Variants in HDAC4 observed in about 807,000 individuals in gnomAD.
HDAC4 encodes the protein histone deacetylase 4, also known as histone deacetylase A.
HDAC4 carries 16 observed loss-of-function variants against 135.1 expected under a neutral mutation model. That is an observed-to-expected ratio of 0.12 (90% CI 0.08 to 0.18). The LOEUF is 0.18. HDAC4 is among the 10% of genes least tolerant of loss of function. The pLI, the probability that HDAC4 is intolerant of heterozygous loss-of-function variation, is 1.00. For synonymous variants in HDAC4, 685 were observed against 653.4 expected (o/e 1.05, Z -0.74); for missense variants, 1,143 against 1,511.8 (o/e 0.76, Z 4.05).
chr2:239,100,699 T>C (rs2037534176), intron 16 of HDAC4, among the ~76,000 whole-genome samples: 1 of 152,194 alleles, frequency 6.6e-6, no homozygotes, highest in African/African-American at 2.4e-5. Context: ...AGGGGCTATT[T>C]GTTGGGAACC....
At chr2:239,265,200 T>C (rs1002710288) in intron 2 of HDAC4, among the ~76,000 whole-genome samples, 2 of 152,196 alleles carry the variant, frequency 1.3e-5, no homozygotes, top group Non-Finnish European at 2.9e-5. Flanking sequence ...GGCTCCCACA[T>C]GTGTGCCAAC....
At chr2:239,128,416 C>G (rs1204442026) in intron 11 of HDAC4, among the ~76,000 whole-genome samples, 1 of 152,012 alleles carries the variant, frequency 6.6e-6, no homozygotes, top group African/African-American at 2.4e-5. Context: ...GTAATCGCAG[C>G]TACTCAGGAG....
chr2:239,377,270 C>T (rs1419892681), intron 1 of HDAC4, among the ~76,000 whole-genome samples: 3 of 152,220 alleles, frequency 2.0e-5, no homozygotes. Flanking sequence ...CGTCCACTAA[C>T]CGAAGCCACT....
rs113479242 is a variant in HDAC4 at position 239,240,937 on chromosome 2, G to C, written c.23-4273C>G. ...CACCTTGCATCAGACGGGTAGGTAT[G>C]TCTAACCAGAAACCCGGCCTTCTGG... On this transcript the variant is annotated intron_variant, in intron 2 of 26. Transcript: ENST00000543185. This position sits in a 1 kb window ranked among gnomAD's most constrained non-coding sequence, Gnocchi z 4.5. Among the ~76,000 whole-genome samples, 1 of 151,730 alleles carries C rather than the reference G, an allele frequency of 6.6e-6. No homozygotes were observed. Among genetic ancestry groups the C allele is most frequent in the South Asian group, 2.1e-4 (1 of 4,818 alleles).
intron 2 of HDAC4, among the ~76,000 whole-genome samples, chr2:239,269,177 ACATT>A (rs1037470753): frequency 6.6e-6 from 1 of 151,572 alleles, no homozygotes; most frequent in African/African-American, 2.4e-5. Flanking sequence ...TCACACACCC[ACATT>A]CACACACCCA....
In HDAC4 at chr2:239,090,135, A is replaced by T. The variant is rs1195541841; in HGVS notation, c.2281-19T>A. ...TGTCCACCTGTGGAAACAACACCCC[A>T]CAGTGAGGTCACCCTCCCAGGCCAC... On this transcript the variant is annotated intron_variant, in intron 17 of 26. Transcript: ENST00000543185. 1.3e-6 allele frequency: 2 copies of T among 1,566,630 alleles called. No individual in the cohort carries two copies. Among genetic ancestry groups the T allele is most frequent in the Admixed American group, 3.3e-5 (2 of 59,958 alleles).
At chr2:239,386,934 G>A (rs538672481) in intron 1 of HDAC4, among the ~76,000 whole-genome samples, 13 of 152,204 alleles carry the variant, frequency 8.5e-5, no homozygotes, top group African/African-American at 2.4e-4. Flanking sequence ...AGGTGGCAGC[G>A]ATCAGAGGTG....
chr2:239,176,947 C>A (rs1038792865), intron 4 of HDAC4, among the ~76,000 whole-genome samples: 1 of 152,146 alleles, frequency 6.6e-6, no homozygotes, highest in Non-Finnish European at 1.5e-5. Context: ...AAGTTAAATG[C>A]ACATCTGCCC....
chr2:239,192,678 C>G (rs2045075765), intron 3 of HDAC4, among the ~76,000 whole-genome samples: 1 of 152,154 alleles, frequency 6.6e-6, no homozygotes, highest in African/African-American at 2.4e-5. Context: ...GTTGCGGTTC[C>G]CTCTTCCGCG....
chr2:239,256,057 T>A (rs1470497577), intron 2 of HDAC4, among the ~76,000 whole-genome samples: 3 of 152,262 alleles, frequency 2.0e-5, no homozygotes, highest in African/African-American at 7.2e-5. Flanking sequence ...TGTCTTTTAT[T>A]TTAATGCAAA....
chr2:239,209,599 T>C (rs933205809), intron 3 of HDAC4, among the ~76,000 whole-genome samples: 1 of 152,204 alleles, frequency 6.6e-6, no homozygotes, highest in Non-Finnish European at 1.5e-5. Flanking sequence ...AAAATATCCT[T>C]GGAATAGAAA....
chr2:239,394,111 T>A (rs1696408370), intron 1 of HDAC4, among the ~76,000 whole-genome samples: 1 of 152,042 alleles, frequency 6.6e-6, no homozygotes, highest in Admixed American at 6.6e-5. Context: ...AAAATGCAAT[T>A]CCATCACCGC....
At chr2:239,128,958 G>A (rs896468150) in intron 11 of HDAC4, among the ~76,000 whole-genome samples, 50 of 152,166 alleles carry the variant, frequency 3.3e-4, no homozygotes, top group African/African-American at 1.1e-3. Flanking sequence ...TCTGCCTCCC[G>A]CCATCCTCCG....
At position 239,141,576 on chromosome 2, in the gene HDAC4, A is replaced by G; in HGVS notation, c.866-1780T>C. 6.6e-6 allele frequency among the ~76,000 whole-genome samples: 1 copy of G among 152,172 alleles called. No individual in the cohort carries two copies. The highest frequency in any genetic ancestry group is 1.9e-4 in the East Asian group (1 of 5,182). ...GTGTTTGCATTTCACTCAAGAAAGCAGGACCCGCCTTCTCCAGGCCCCTCC... is the reference window on the plus strand; with the variant it reads ...GTGTTTGCATTTCACTCAAGAAAGCGGGACCCGCCTTCTCCAGGCCCCTCC... On this transcript the variant is annotated intron_variant, in intron 8 of 26. Coordinates refer to ENST00000543185, the MANE Select transcript of HDAC4 (RefSeq NM_001378414.1). This position sits in a 1 kb window ranked among gnomAD's most constrained non-coding sequence, Gnocchi z 4.9.
In HDAC4 at chr2:239,176,464, G is replaced by A; in HGVS notation, c.439C>T (p.His147Tyr). The change falls in exon 5 of 27, where the codon CAC (histidine) becomes TAC (tyrosine). Residue 147 changes from histidine (H) to tyrosine (Y), a missense_variant. This residue lies in a region of HDAC4 where 247 missense variants were observed against 310.0 expected (regional missense o/e 0.80). Transcript: ENST00000543185. ...AGCTGCTGCAGCTTCTGCTCCCGGT[G>A]CTGCTTCTCCAGCTCCTGCTCCTGG... ...HRQEQELEKQ[H>Y]REQKLQQLKN... is the part of the protein sequence containing the mutation. The A allele has an allele frequency of 6.2e-7, 1 of 1,613,292 alleles. No homozygotes were observed. Among genetic ancestry groups the A allele is most frequent in the East Asian group, 2.2e-5 (1 of 44,826 alleles).
At chr2:239,281,440 C>T (rs970412567) in intron 2 of HDAC4, among the ~76,000 whole-genome samples, 14 of 150,062 alleles carry the variant, frequency 9.3e-5, no homozygotes, top group African/African-American at 3.2e-4. Flanking sequence ...CACCACTCTA[C>T]AATGAACACA....
At position 239,352,642 on chromosome 2, in the gene HDAC4, C is replaced by T. The variant is rs565959368; in HGVS notation, c.22+36G>A. Reference sequence around the variant, plus strand: ...CTTCTACTTTGGGCAAAGAAAGCCCCGCTGTGTGCCCAGAGAAGAAATGAC... The same window carrying T: ...CTTCTACTTTGGGCAAAGAAAGCCCTGCTGTGTGCCCAGAGAAGAAATGAC... On this transcript the variant is annotated intron_variant, in intron 2 of 26. Coordinates refer to ENST00000543185, the MANE Select transcript of HDAC4 (RefSeq NM_001378414.1). The surrounding 1 kb of genome is among the most constrained non-coding windows in gnomAD (Gnocchi z 4.4). The T allele has an allele frequency of 4.5e-5, 70 of 1,550,366 alleles. 3 individuals carry two copies. The Middle Eastern group carries it at 6.7e-4, about 15-fold the overall frequency.
chr2:239,084,535 C>CG (rs1424065515), intron 19 of HDAC4, among the ~76,000 whole-genome samples: 1 of 151,196 alleles, frequency 6.6e-6, no homozygotes, highest in Non-Finnish European at 1.5e-5. Flanking sequence ...GCCATAGGGT[C>CG]GGCTAACCGA....
intron 3 of HDAC4, among the ~76,000 whole-genome samples, chr2:239,203,184 C>T (rs549377268): frequency 4.8e-4 from 73 of 152,322 alleles, no homozygotes; most frequent in African/African-American, 1.7e-3. Context: ...GGGAAGAGCT[C>T]AGTAAGCCCA....
Sources: gnomAD v4.1 joint callset for allele counts (sites outside exome capture counted in the v4.1 genomes callset) on GRCh38, gnomAD v4.1.1 for gene constraint, gnomAD v4.1.1 regional missense constraint, Gnocchi (gnomAD v3.1) non-coding constraint, MANE v1.5 for transcripts, NCBI Gene and HGNC (gene_info 2026-07-23, HGNC 2026-07-21) for gene names.